ZDHHC2: variants seen among roughly 807,000 people sequenced by gnomAD.
ZDHHC2 encodes palmitoyltransferase ZDHHC2.
ZDHHC2 carries 51 observed loss-of-function variants against 55.6 expected under a neutral mutation model. The ratio of observed to expected loss-of-function variants is 0.92; its 90% confidence interval spans 0.73 to 1.16. The LOEUF (loss-of-function observed/expected upper bound fraction) is 1.16, where lower values mean the gene tolerates loss of function less well. Among genes scored for constraint, ZDHHC2 ranks in the 50% most tolerant of loss-of-function variants. ZDHHC2 has a pLI of 0.00. For synonymous variants in ZDHHC2, 199 were observed against 152.9 expected (o/e 1.30, Z -2.22); for missense variants, 491 against 442.4 (o/e 1.11, Z -0.99).
At chr8:17,174,474 A>C (rs1805026374) in intron 1 of ZDHHC2, among the ~76,000 whole-genome samples, 1 of 152,084 alleles carries the variant, frequency 6.6e-6, no homozygotes, top group South Asian at 2.1e-4. Context: ...ACTGTGCTGG[A>C]AGGGAGATAT....
chr8:17,199,629 C>CCT (rs1806622157), intron 6 of ZDHHC2, among the ~76,000 whole-genome samples: 4 of 44,902 alleles, frequency 8.9e-5, no homozygotes, highest in African/African-American at 1.7e-4. Context: ...TTCTTCCTTT[C>CCT]TTCTTCTTCT....
chr8:17,180,537 A>C (rs1805382454), intron 1 of ZDHHC2, among the ~76,000 whole-genome samples: 1 of 152,184 alleles, frequency 6.6e-6, no homozygotes, highest in Non-Finnish European at 1.5e-5. Flanking sequence ...TATACGTTAT[A>C]CATTACAGTT....
intron 3 of ZDHHC2, among the ~76,000 whole-genome samples, chr8:17,190,866 C>T (rs1321447070): frequency 6.7e-6 from 1 of 149,834 alleles, no homozygotes; most frequent in African/African-American, 2.5e-5. Context: ...TCCTATTATA[C>T]TCTTAGTTAT....
intron 10 of ZDHHC2, 41 bp from the exon 11 acceptor site, chr8:17,215,196 T>C (rs1173677394): frequency 1.3e-6 from 2 of 1,510,140 alleles, no homozygotes; most frequent in Non-Finnish European, 1.8e-6. Flanking sequence ...TATCAAAAAT[T>C]AGCTTATGAT....
intron 1 of ZDHHC2, among the ~76,000 whole-genome samples, chr8:17,167,897 A>G (rs1020804737): frequency 6.6e-6 from 1 of 152,154 alleles, no homozygotes; most frequent in Non-Finnish European, 1.5e-5. Flanking sequence ...AGCATTGCCT[A>G]GAGATAACTG....
chr8:17,170,657 AAACAGCTAAT>A (rs1446702901), intron 1 of ZDHHC2, among the ~76,000 whole-genome samples: 11 of 152,210 alleles, frequency 7.2e-5, no homozygotes, highest in African/African-American at 9.7e-5. Flanking sequence ...TTAATAAATC[AAACAGCTAAT>A]AACGTTTGGT....
At chr8:17,169,539 A>G (rs1054679792) in intron 1 of ZDHHC2, among the ~76,000 whole-genome samples, 1 of 152,176 alleles carries the variant, frequency 6.6e-6, no homozygotes, top group African/African-American at 2.4e-5. Context: ...ACGCAAACTG[A>G]TAAAGAGGAG....
intron 6 of ZDHHC2, among the ~76,000 whole-genome samples, chr8:17,204,916 A>G (rs942734037): frequency 2.0e-5 from 3 of 152,256 alleles, no homozygotes; most frequent in Non-Finnish European, 4.4e-5. Flanking sequence ...TATTGATACA[A>G]TAGTTTGATT....
chr8:17,170,741 G>T (rs533661712), intron 1 of ZDHHC2, among the ~76,000 whole-genome samples: 2 of 152,066 alleles, frequency 1.3e-5, no homozygotes, highest in Non-Finnish European at 2.9e-5. Context: ...CAGATAATAA[G>T]AAACTGATGT....
rs535953314 is a variant in ZDHHC2, at chr8:17,219,353, T to C, written c.*35-903T>C. 2.2e-4 allele frequency among the ~76,000 whole-genome samples: 33 copies of C among 151,036 alleles called. No individual in the cohort carries two copies. The East Asian group carries it at 6.1e-3, about 28-fold the overall frequency. ...TAAATGATGTCACCTTTTTATAAAA[T>C]ATTTGTTTGTTCAGCAGTTTCCAGA... On this transcript the variant is annotated intron_variant, in intron 12 of 12. Coordinates refer to ENST00000262096, the MANE Select transcript of ZDHHC2 (RefSeq NM_016353.5).
chr8:17,170,799 T>C (rs961404896), intron 1 of ZDHHC2, among the ~76,000 whole-genome samples: 2 of 152,232 alleles, frequency 1.3e-5, no homozygotes, highest in African/African-American at 2.4e-5. Context: ...CTTGATTGTA[T>C]ATATTTTTTA....
chr8:17,213,708 G>A (rs1205731849), intron 10 of ZDHHC2, among the ~76,000 whole-genome samples: 1 of 152,152 alleles, frequency 6.6e-6, no homozygotes, highest in African/African-American at 2.4e-5. Flanking sequence ...ACATTGTTCA[G>A]TGAATGGATT....
rs1420098007 is a variant in ZDHHC2 at position 17,223,474 on chromosome 8, A to C, written c.*3253A>C. 7 of 151,988 alleles carry C rather than the reference A, an allele frequency of 4.6e-5. No individual in the cohort carries two copies. The East Asian group carries it at 7.7e-4, about 17-fold the overall frequency. 9.4% of individuals were successfully genotyped at this position (151,988 alleles called of 1,614,324 possible). ...GAAACGTGTTCTTCTAAAGCAGAAA[A>C]CCACGTGGCTTAATCCCAAATGTTT... On this transcript the variant is annotated 3_prime_UTR_variant, in exon 13 of 13. Coordinates refer to ENST00000262096, the MANE Select transcript of ZDHHC2 (RefSeq NM_016353.5).
intron 1 of ZDHHC2, among the ~76,000 whole-genome samples, chr8:17,157,206 C>G (rs1326829630): frequency 6.6e-6 from 1 of 152,178 alleles, no homozygotes; most frequent in Non-Finnish European, 1.5e-5. Context: ...GCGAGGCGCG[C>G]CGGGGGCTGA....
intron 3 of ZDHHC2, 68 bp downstream of exon 3, chr8:17,186,493 A>G: frequency 1.1e-6 from 1 of 947,694 alleles, no homozygotes; most frequent in Non-Finnish European, 1.5e-6. Context: ...TTATTGAAGA[A>G]CGAATTTTAT....
At chr8:17,210,789 A>T (rs1428683118) in intron 10 of ZDHHC2, among the ~76,000 whole-genome samples, 1 of 152,172 alleles carries the variant, frequency 6.6e-6, no homozygotes. Flanking sequence ...AAAATTAGCT[A>T]CCCACTGCTC....
intron 3 of ZDHHC2, among the ~76,000 whole-genome samples, chr8:17,187,133 G>A (rs565188096): frequency 2.0e-5 from 3 of 152,264 alleles, no homozygotes; most frequent in South Asian, 2.1e-4. Context: ...CTTTCTTCTC[G>A]ATGACCATGT....
intron 2 of ZDHHC2, among the ~76,000 whole-genome samples, chr8:17,185,800 GA>G: frequency 6.6e-6 from 1 of 152,122 alleles, no homozygotes; most frequent in Non-Finnish European, 1.5e-5. Flanking sequence ...TAATAAATAA[GA>G]CACTTGAACT....
At chr8:17,157,136 A>G (rs1199985923) in intron 1 of ZDHHC2, among the ~76,000 whole-genome samples, 1 of 151,970 alleles carries the variant, frequency 6.6e-6, no homozygotes, top group Non-Finnish European at 1.5e-5. Flanking sequence ...CGCCTCGGCC[A>G]CACCCCCTAG....
Sources: gnomAD v4.1 joint callset for allele counts (sites outside exome capture counted in the v4.1 genomes callset) on GRCh38, gnomAD v4.1.1 for gene constraint, MANE v1.5 for transcripts, NCBI Gene and HGNC (gene_info 2026-07-23, HGNC 2026-07-21) for gene names.